Variants in STON2 observed in about 807,000 individuals in gnomAD.
STON2 encodes the protein stonin 2, also known as stonin-2.
STON2 carries 29 observed loss-of-function variants against 65.7 expected under a neutral mutation model. The ratio of observed to expected loss-of-function variants is 0.44; its 90% CI spans 0.33 to 0.60. STON2 has a LOEUF of 0.60. Among genes scored for constraint, STON2 ranks in the 20% least tolerant of loss-of-function variants. The pLI, the probability that STON2 is intolerant of heterozygous loss-of-function variation, is 0.03. For missense variants in STON2, 1,054 were observed against 1,118.1 expected (o/e 0.94, Z 0.82); for synonymous variants, 404 against 414.2 (o/e 0.98, Z 0.30).
intron 4 of STON2, among the ~76,000 whole-genome samples, chr14:81,328,076 T>C (rs1359273404): frequency 6.6e-6 from 1 of 152,210 alleles, no homozygotes; most frequent in Non-Finnish European, 1.5e-5. Context: ...TTTCAGTGTC[T>C]GACAAATAGT....
At chr14:81,306,135 T>C (rs1239768991) in intron 5 of STON2, among the ~76,000 whole-genome samples, 4 of 137,118 alleles carry the variant, frequency 2.9e-5, no homozygotes, top group Non-Finnish European at 6.2e-5. Flanking sequence ...AACCAAAGAA[T>C]CCTATTGATT....
chr14:81,345,196 G>A (rs1279938940), intron 4 of STON2, among the ~76,000 whole-genome samples: 2 of 152,208 alleles, frequency 1.3e-5, no homozygotes, highest in Non-Finnish European at 2.9e-5. Context: ...TAGTTACATA[G>A]TATTATGGGC....
chr14:81,265,122 A>G lies in STON2; in HGVS notation c.*3292T>C. The G allele has an allele frequency of 2.0e-6, 2 of 985,242 alleles. No individual in the cohort carries two copies. The highest frequency in any genetic ancestry group is 2.4e-6 in the Non-Finnish European group (2 of 829,892). The allele number at this position is 985,242 out of a possible 1,614,324, so 61.0% of individuals were successfully genotyped here. A position where few individuals can be genotyped will look rare whatever the true frequency, so the allele number is the denominator to read the frequency against. ...TCCAGGTCCAGGGTTGCAAAAGTAG[A>G]ATCTGCATATCCACAGGTAATTTGC... is the stretch of plus-strand genomic sequence containing the variant. On this transcript the variant is annotated 3_prime_UTR_variant, in exon 8 of 8. Coordinates refer to ENST00000614646, the MANE Select transcript of STON2 (RefSeq NM_001394390.1).
chr14:81,364,456 A>G (rs1192442895), intron 4 of STON2, among the ~76,000 whole-genome samples: 3 of 152,148 alleles, frequency 2.0e-5, no homozygotes, highest in African/African-American at 7.2e-5. Context: ...CTAGCTTTCT[A>G]ACACTTTAGC....
At chr14:81,294,824 C>T (rs1895697035) in intron 5 of STON2, among the ~76,000 whole-genome samples, 1 of 152,166 alleles carries the variant, frequency 6.6e-6, no homozygotes, top group Admixed American at 6.5e-5. Flanking sequence ...ATCCTAATCC[C>T]TGCCCTAGTT....
chr14:81,421,315 G>C (rs1165280476), intron 2 of STON2, among the ~76,000 whole-genome samples: 1 of 152,244 alleles, frequency 6.6e-6, no homozygotes. Flanking sequence ...AGTAAGACAG[G>C]AGGCTGGAGA....
In STON2 at chr14:81,277,465, T is replaced by C; in HGVS notation, c.2017A>G (p.Asn673Asp). 6.2e-7 allele frequency: 1 copy of C among 1,614,154 alleles called. No homozygotes were observed. Among genetic ancestry groups the C allele is most frequent in the Non-Finnish European group, 8.5e-7 (1 of 1,180,030 alleles). The change falls in exon 6 of 8, where the codon AAT becomes GAT. Residue 673 changes from asparagine (N) to aspartate (D), a missense_variant. Asn to Asp is a conservative substitution (Grantham distance 23). Transcript: ENST00000614646. ...SGLAECRLGL[N>D]DILVKGNEIV... ...TCATTCCCTTTGACGAGGATGTCAT[T>C]GAGGCCCAGGCGGCACTCTGCGAGC...
chr14:81,367,626 G>T (rs1212669851), intron 4 of STON2, among the ~76,000 whole-genome samples: 1 of 152,138 alleles, frequency 6.6e-6, no homozygotes, highest in Admixed American at 6.5e-5. Context: ...TTCAAAGCCA[G>T]AGCTCTACCC....
At chr14:81,435,089 CATG>C (rs1324305987) in intron 1 of STON2, among the ~76,000 whole-genome samples, 1 of 152,114 alleles carries the variant, frequency 6.6e-6, no homozygotes, top group Admixed American at 6.5e-5. Flanking sequence ...AACAAAGTAC[CATG>C]ATATTATTTT....
chr14:81,320,764 T>C (rs1009400013), intron 5 of STON2, among the ~76,000 whole-genome samples: 3 of 152,120 alleles, frequency 2.0e-5, no homozygotes, highest in Admixed American at 2.0e-4. Flanking sequence ...CTGCGATGTC[T>C]CTTCCTGGCT....
chr14:81,372,328 T>G (rs1595409954), intron 3 of STON2, among the ~76,000 whole-genome samples: 1 of 151,756 alleles, frequency 6.6e-6, no homozygotes, highest in African/African-American at 2.4e-5. Flanking sequence ...CCAAGGCGGG[T>G]GGATCACCTG....
intron 3 of STON2, among the ~76,000 whole-genome samples, chr14:81,381,036 T>C (rs1198435061): frequency 2.0e-5 from 3 of 152,172 alleles, no homozygotes; most frequent in Non-Finnish European, 2.9e-5. Flanking sequence ...AGCAGAATCA[T>C]ACTATTTAGA....
At chr14:81,346,992 C>T (rs538525224) in intron 4 of STON2, among the ~76,000 whole-genome samples, 3 of 152,054 alleles carry the variant, frequency 2.0e-5, no homozygotes, top group African/African-American at 7.2e-5. Flanking sequence ...AACAATGCAT[C>T]TCAAGGAACT....
At chr14:81,281,754 CA>C (rs1895132133) in intron 5 of STON2, among the ~76,000 whole-genome samples, 1 of 152,178 alleles carries the variant, frequency 6.6e-6, no homozygotes, top group Non-Finnish European at 1.5e-5. Flanking sequence ...TAGTTTAAAT[CA>C]CGCCAAGTCC....
chr14:81,363,476 G>A (rs1184506018), intron 4 of STON2, among the ~76,000 whole-genome samples: 3 of 149,268 alleles, frequency 2.0e-5, no homozygotes, highest in African/African-American at 7.4e-5. Context: ...GAACCTCCTG[G>A]AAAAAGCTTC....
intron 4 of STON2, among the ~76,000 whole-genome samples, chr14:81,328,654 G>A (rs1897087038): frequency 6.6e-6 from 1 of 152,168 alleles, no homozygotes; most frequent in African/African-American, 2.4e-5. Flanking sequence ...TGGACCCCCA[G>A]TGTTGAAGGG....
At chr14:81,352,830 G>A (rs969963592) in intron 4 of STON2, among the ~76,000 whole-genome samples, 2 of 152,102 alleles carry the variant, frequency 1.3e-5, no homozygotes, top group Non-Finnish European at 2.9e-5. Context: ...TTTATTAAGA[G>A]CTTCCAAAAT....
chr14:81,308,793 T>G lies in STON2; in HGVS notation c.742+15224A>C, dbSNP rs1896287366. Among the ~76,000 whole-genome samples, 2 of 17,112 alleles carry G rather than the reference T, an allele frequency of 1.2e-4. 1 individual carries two copies. Among genetic ancestry groups the G allele is most frequent in the African/African-American group, 1.1e-3 (2 of 1,818 alleles). 11.2% of individuals were successfully genotyped at this position (17,112 alleles called of 152,430 possible). A position where few individuals can be genotyped will look rare whatever the true frequency, so the allele number is the denominator to read the frequency against. ...ACATGGTTTTACCCATATATATATA[T>G]ATATATATATATATATATATATATA... On this transcript the variant is annotated intron_variant, in intron 5 of 7. Transcript: ENST00000614646.
Position 81,270,686 on chromosome 14 carries a change from G to A in STON2, c.2768C>T (p.Ala923Val), listed in dbSNP as rs1363526236. 11 of 1,614,204 alleles carry A rather than the reference G, an allele frequency of 6.8e-6. No individual in the cohort carries two copies. Among genetic ancestry groups the A allele is most frequent in the Non-Finnish European group, 6.8e-6 (8 of 1,180,050 alleles). ...CAAGGCTACCTGGTAGCTGTAGTGT[G>A]CAGAATAATTGACCCACTTCCTGAC... is the stretch of plus-strand genomic sequence containing the variant. ...TDVRKWVNYS[A>V]HYSYQVEIEQ... The change falls in exon 7 of 8, where the codon GCA (alanine) becomes GTA (valine). Residue 923 changes from alanine to valine, a missense_variant. By Grantham distance (64) the Ala-to-Val change is moderately conservative (BLOSUM62 0). Coordinates refer to ENST00000614646, the MANE Select transcript of STON2 (RefSeq NM_001394390.1).
Sources: gnomAD v4.1 joint callset for allele counts (sites outside exome capture counted in the v4.1 genomes callset) on GRCh38, gnomAD v4.1.1 for gene constraint, MANE v1.5 for transcripts, NCBI Gene and HGNC (gene_info 2026-07-23, HGNC 2026-07-21) for gene names.